The following ARHGAP33 variants were observed in gnomAD, a reference collection of about 807,000 sequenced individuals.
ARHGAP33 encodes the protein rho GTPase-activating protein 33.
A neutral mutation model predicts 126.2 loss-of-function variants in ARHGAP33; 57 were observed. The ratio of observed to expected loss-of-function variants is 0.45; its 90% confidence interval spans 0.36 to 0.56. The LOEUF is 0.56. Ranked by LOEUF, ARHGAP33 falls within the 20% of genes least tolerant of loss-of-function variation. The probability of loss-of-function intolerance (pLI) is 0.00; values close to 1 mark genes in which losing one functional copy is unlikely to be tolerated. For missense variants in ARHGAP33, 1,500 were observed against 1,748.3 expected (o/e 0.86, Z 2.53); for synonymous variants, 711 against 755.0 (o/e 0.94, Z 0.95).
chr19:35,785,127 G>A (rs983219232), intron 17 of ARHGAP33, 21 bp downstream of exon 17: 2 of 1,590,720 alleles, frequency 1.3e-6, no homozygotes, highest in South Asian at 1.1e-5. Flanking sequence ...TGCTGGGGGT[G>A]GCGAGGGGCA....
rs761126504 is a variant in ARHGAP33, at chr19:35,781,020, G to A, written c.930G>A (p.Gln310=). The A allele has an allele frequency of 6.2e-7, 1 of 1,612,318 alleles. No homozygotes were observed. Among genetic ancestry groups the A allele is most frequent in the East Asian group, 2.2e-5 (1 of 44,876 alleles). The change falls in exon 11 of 21, where the codon CAG becomes CAA. Residue 310 remains glutamine (Q), a synonymous_variant. Coordinates refer to ENST00000007510, the MANE Select transcript of ARHGAP33 (RefSeq NM_001366178.1). ...QRLRQRGILR[Q]RVFGCDLGEH... is the part of the protein sequence containing the mutation. Reference sequence around the variant, plus strand: ...TGCGGCAGCGGGGAATCCTGCGACAGAGGGTGTTTGGCTGCGATCTTGGCG... The same window carrying A: ...TGCGGCAGCGGGGAATCCTGCGACAAAGGGTGTTTGGCTGCGATCTTGGCG...
Position 35,780,900 on chromosome 19 carries a change from T to G in ARHGAP33, c.830-20T>G. 1 of 1,610,688 alleles carries G rather than the reference T, an allele frequency of 6.2e-7. No homozygotes were observed. The highest frequency in any genetic ancestry group is 8.5e-7 in the Non-Finnish European group (1 of 1,179,968). On this transcript the variant is annotated intron_variant, in intron 10 of 20. Transcript: ENST00000007510. The stretch of plus-strand genomic sequence containing the variant: ...GACCCCACAAGACCTGCCTTTGCCC[T>G]TTGCCCCTTGCCCCCACAGCTGTGC...
At chr19:35,776,676 G>A (rs1185864777) in intron 1 of ARHGAP33, among the ~76,000 whole-genome samples, 2 of 152,266 alleles carry the variant, frequency 1.3e-5, no homozygotes, top group Admixed American at 1.3e-4. Flanking sequence ...CCAACTCAAT[G>A]CCCAGCTCTA....
At chr19:35,784,910 G>T in intron 16 of ARHGAP33, 43 bp from the exon 17 acceptor site, 1 of 1,503,026 alleles carries the variant, frequency 6.7e-7, no homozygotes. Context: ...GTGGCCTTGG[G>T]CGGCCCCAGA....
intron 6 of ARHGAP33, 148 bp from the exon 7 acceptor site, chr19:35,780,063 A>G: frequency 8.8e-7 from 1 of 1,137,964 alleles, no homozygotes; most frequent in Admixed American, 1.8e-5. Flanking sequence ...CCCTACAAAC[A>G]GGAATCTAGG....
intron 19 of ARHGAP33, 69 bp downstream of exon 19, chr19:35,785,552 GT>G: frequency 1.3e-6 from 2 of 1,598,516 alleles, no homozygotes; most frequent in Non-Finnish European, 1.7e-6. Context: ...TGGGGCCCTG[GT>G]TTGGCCTCCA....
At chr19:35,776,945 T>G (rs1971487835) in intron 1 of ARHGAP33, among the ~76,000 whole-genome samples, 1 of 150,906 alleles carries the variant, frequency 6.6e-6, no homozygotes, top group African/African-American at 2.4e-5. Flanking sequence ...GGGGTGGGAG[T>G]GAGGATGAAT....
chr19:35,780,850 AC>A, intron 10 of ARHGAP33, 34 bp downstream of exon 10: 2 of 1,612,926 alleles, frequency 1.2e-6, no homozygotes, highest in Non-Finnish European at 1.7e-6. Flanking sequence ...CCCAGCCCCT[AC>A]CCCACCAGGC....
Position 35,787,668 on chromosome 19 carries a change from C to T in ARHGAP33, c.3103C>T (p.Pro1035Ser). 6.3e-7 allele frequency: 1 copy of T among 1,593,800 alleles called. No homozygotes were observed. The highest frequency in any genetic ancestry group is 1.9e-5 in the Admixed American group (1 of 52,992). ...GGTTCCTACCCCCGGCTTCTTCTCC[C>T]CAGCCCCCAGGGAGTGCCTGCCACC... Reference protein sequence around the residue: ...SQVPTPGFFSPAPRECLPPFL... With the variant: ...SQVPTPGFFSSAPRECLPPFL... The change falls in exon 21 of 21, where the codon CCA (proline) becomes TCA (serine). Residue 1035 changes from proline (P) to serine (S), a missense_variant. Physicochemically the swap from Pro to Ser is moderately conservative, Grantham distance 74. This residue lies in a region of ARHGAP33 where 642 missense variants were observed against 634.0 expected (regional missense o/e 1.01). Transcript: ENST00000007510.
rs199669285 is a variant in ARHGAP33 at position 35,786,953 on chromosome 19, C to G, written c.2483C>G (p.Pro828Arg). Residue 828 changes from proline to arginine, a missense_variant, in exon 20 of 21, where the codon CCC (proline) becomes CGC (arginine). Pro to Arg is a moderately radical substitution (Grantham distance 103). Around this residue, in one of 6 missense-constraint regions of ARHGAP33, gnomAD observed 642 missense variants for 634.0 expected, o/e 1.01. Coordinates refer to ENST00000007510, the MANE Select transcript of ARHGAP33 (RefSeq NM_001366178.1). This position sits in a 1 kb window ranked among gnomAD's most constrained non-coding sequence, Gnocchi z 7.0. ...ASATPTPALS[P>R]GRSLRPHLIP... ...GCCACCCCAACACCAGCTCTCAGCC[C>G]CGGCCGGAGCCTGCGCCCCCATCTC... 3.6e-4 allele frequency: 578 copies of G among 1,610,770 alleles called. 2 individuals carry two copies. The East Asian group carries it at 0.011, about 30-fold the overall frequency.
chr19:35,780,724 C>T, intron 9 of ARHGAP33, 33 bp from the exon 10 acceptor site: 1 of 1,613,542 alleles, frequency 6.2e-7, no homozygotes, highest in Non-Finnish European at 8.5e-7. Flanking sequence ...TTGCCTCCCA[C>T]TCATCCCTTC....
intron 16 of ARHGAP33, 95 bp downstream of exon 16, chr19:35,784,412 C>T (rs1417040473): frequency 1.4e-6 from 2 of 1,438,508 alleles, no homozygotes; most frequent in Admixed American, 2.6e-5. Context: ...GTCCCCACCC[C>T]ACTGAAGCTG....
chr19:35,781,872 G>A (rs1380804146), intron 12 of ARHGAP33, among the ~76,000 whole-genome samples: 2 of 152,100 alleles, frequency 1.3e-5, no homozygotes, highest in African/African-American at 4.8e-5. Flanking sequence ...GAGGCGGGGA[G>A]GAGCCAGGCG....
rs1400886384 is a variant in ARHGAP33 at position 35,779,176 on chromosome 19, A to G, written c.501+52A>G. 2.1e-6 allele frequency: 3 copies of G among 1,412,794 alleles called. No homozygotes were observed. In the Admixed American group the frequency reaches 6.2e-5, roughly 29 times the overall value. The allele number at this position is 1,412,794 out of a possible 1,614,324, so 87.5% of individuals were successfully genotyped here. A position where few individuals can be genotyped will look rare whatever the true frequency, so the allele number is the denominator to read the frequency against. On this transcript the variant is annotated intron_variant, in intron 6 of 20. Coordinates refer to ENST00000007510, the MANE Select transcript of ARHGAP33 (RefSeq NM_001366178.1). ...TTCCGAGTGGGTGAGGGGGTGTCTGAGGGGCGAGAAGCAGCCTCGGTGTGT... is the reference window on the plus strand; with the variant it reads ...TTCCGAGTGGGTGAGGGGGTGTCTGGGGGGCGAGAAGCAGCCTCGGTGTGT...
At chr19:35,781,894 T>C (rs1217539527) in intron 12 of ARHGAP33, among the ~76,000 whole-genome samples, 4 of 151,790 alleles carry the variant, frequency 2.6e-5, no homozygotes, top group Non-Finnish European at 4.4e-5. Flanking sequence ...GATCTCGGCC[T>C]GCAGGAGGCT....
rs1382934861 is a variant in ARHGAP33, at chr19:35,780,578, T to A, written c.703-4T>A. 1 of 1,612,998 alleles carries A rather than the reference T, an allele frequency of 6.2e-7. No homozygotes were observed. The highest frequency in any genetic ancestry group is 2.2e-5 in the East Asian group (1 of 44,814). ...GCCCAGCTACTGACCCTGACCTTCC[T>A]CAGGTCGGGTTCTTCCCCAGTGAGT... On this transcript the variant is annotated splice_polypyrimidine_tract_variant and splice_region_variant and intron_variant, in intron 8 of 20. Coordinates refer to ENST00000007510, the MANE Select transcript of ARHGAP33 (RefSeq NM_001366178.1).
intron 16 of ARHGAP33, chr19:35,784,545 A>C (rs1599793659): frequency 2.3e-6 from 3 of 1,297,868 alleles, no homozygotes; most frequent in Non-Finnish European, 2.9e-6. Context: ...CTCTTCCTTC[A>C]CCCCTTGTAG....
At chr19:35,775,780 C>T (rs1455510817) in intron 1 of ARHGAP33, 116 bp downstream of exon 1, 4 of 1,090,538 alleles carry the variant, frequency 3.7e-6, no homozygotes, top group Non-Finnish European at 3.8e-6. Flanking sequence ...TGTGCTTCAG[C>T]CGTGGTCCCT....
chr19:35,776,629 G>A (rs1971473794), intron 1 of ARHGAP33, among the ~76,000 whole-genome samples: 1 of 152,226 alleles, frequency 6.6e-6, no homozygotes, highest in South Asian at 2.1e-4. Flanking sequence ...TGGCACTGGG[G>A]ACCCAGAAAA....
Sources: allele counts gnomAD v4.1 joint callset (sites outside exome capture counted in the v4.1 genomes callset), GRCh38; gene constraint gnomAD v4.1.1; regional missense constraint gnomAD v4.1.1; non-coding constraint Gnocchi (gnomAD v3.1); transcripts MANE v1.5; gene names NCBI Gene and HGNC (gene_info 2026-07-23, HGNC 2026-07-21).